Variants in NECAB1 observed in about 807,000 individuals in gnomAD.
NECAB1 encodes the protein N-terminal EF-hand calcium binding protein 1.
Under a neutral mutation model 57.5 loss-of-function variants are expected in NECAB1, and 29 were observed. That is an observed-to-expected ratio of 0.50 (90% confidence interval 0.38 to 0.69). The LOEUF is 0.69. Among genes scored for constraint, NECAB1 ranks in the 30% least tolerant of loss-of-function variants. NECAB1 has a pLI of 0.00. For synonymous variants in NECAB1, 142 were observed against 147.7 expected (o/e 0.96, Z 0.28); for missense variants, 372 against 413.8 (o/e 0.90, Z 0.88).
chr8:90,828,422 C>T (rs192363951), intron 3 of NECAB1, among the ~76,000 whole-genome samples: 1 of 152,154 alleles, frequency 6.6e-6, no homozygotes, highest in East Asian at 1.9e-4. Context: ...AATCACCTTT[C>T]AAGCCTGCCC....
At chr8:90,795,706 TCTCA>T (rs757463090) in intron 1 of NECAB1, among the ~76,000 whole-genome samples, 14 of 136,322 alleles carry the variant, frequency 1.0e-4, no homozygotes, top group African/African-American at 3.3e-4. Flanking sequence ...ACCTCATCTC[TCTCA>T]CACACACACA....
intron 3 of NECAB1, among the ~76,000 whole-genome samples, chr8:90,844,068 A>G (rs1392130379): frequency 2.6e-5 from 4 of 152,068 alleles, no homozygotes; most frequent in Admixed American, 6.5e-5. Context: ...CTGTAACTCA[A>G]TTTCCATTTT....
chr8:90,907,061 A>C (rs546483293), intron 5 of NECAB1, among the ~76,000 whole-genome samples: 3 of 149,936 alleles, frequency 2.0e-5, no homozygotes, highest in African/African-American at 7.4e-5. Flanking sequence ...AATTTCCCAT[A>C]TCATATATAT....
chr8:90,818,197 T>C (rs185377225), intron 2 of NECAB1, among the ~76,000 whole-genome samples: 24 of 152,082 alleles, frequency 1.6e-4, no homozygotes, highest in African/African-American at 5.8e-4. Flanking sequence ...TTGCTTAGGC[T>C]GATTAGAGGT....
chr8:90,807,579 C>T (rs1811872640), intron 2 of NECAB1, among the ~76,000 whole-genome samples: 1 of 152,138 alleles, frequency 6.6e-6, no homozygotes, highest in Non-Finnish European at 1.5e-5. Flanking sequence ...CTCTCCAGAC[C>T]CTCTTATCTT....
intron 2 of NECAB1, among the ~76,000 whole-genome samples, chr8:90,807,578 C>T (rs1020728409): frequency 1.3e-5 from 2 of 152,156 alleles, no homozygotes; most frequent in African/African-American, 2.4e-5. Context: ...GCTCTCCAGA[C>T]CCTCTTATCT....
At chr8:90,906,883 A>ATATATG (rs1554574051) in intron 5 of NECAB1, among the ~76,000 whole-genome samples, 2 of 80,758 alleles carry the variant, frequency 2.5e-5, no homozygotes, top group South Asian at 4.0e-4. Flanking sequence ...ACACATATAT[A>ATATATG]TATATATATA....
chr8:90,844,136 C>T (rs552333330), intron 3 of NECAB1, among the ~76,000 whole-genome samples: 2 of 152,154 alleles, frequency 1.3e-5, no homozygotes, highest in Non-Finnish European at 2.9e-5. Context: ...GGGTCACTTT[C>T]CTCCATGCCT....
intron 9 of NECAB1, among the ~76,000 whole-genome samples, chr8:90,938,732 T>C (rs1027963055): frequency 3.3e-5 from 5 of 152,202 alleles, no homozygotes; most frequent in Non-Finnish European, 5.9e-5. Flanking sequence ...CAACCCAATC[T>C]AGGAAGCCGA....
chr8:90,946,815 G>A (rs1309510695), intron 10 of NECAB1, among the ~76,000 whole-genome samples: 4 of 152,152 alleles, frequency 2.6e-5, no homozygotes, highest in Admixed American at 1.3e-4. Context: ...GGTCATTGCT[G>A]GCCACTGGGA....
intron 3 of NECAB1, among the ~76,000 whole-genome samples, chr8:90,833,000 G>A (rs553634940): frequency 1.3e-5 from 2 of 152,238 alleles, no homozygotes; most frequent in East Asian, 3.9e-4. Context: ...TATATTTGAT[G>A]TATACTATAG....
At chr8:90,794,908 C>T (rs142412365) in intron 1 of NECAB1, among the ~76,000 whole-genome samples, 3 of 152,118 alleles carry the variant, frequency 2.0e-5, no homozygotes, top group Admixed American at 1.3e-4. Flanking sequence ...AATTAAGTAT[C>T]GGTTCATCAT....
intron 5 of NECAB1, among the ~76,000 whole-genome samples, chr8:90,906,891 A>ATATATATATATGTGTATATATATATG: frequency 8.8e-6 from 1 of 113,400 alleles, no homozygotes; most frequent in African/African-American, 4.0e-5. Context: ...ATATATATAT[A>ATATATATATATGTGTATATATATATG]TATATATATA....
intron 5 of NECAB1, among the ~76,000 whole-genome samples, chr8:90,897,533 T>C (rs1363957228): frequency 2.6e-5 from 4 of 152,230 alleles, no homozygotes; most frequent in African/African-American, 7.2e-5. Flanking sequence ...TATGTCATTA[T>C]ATATGTTATG....
intron 3 of NECAB1, among the ~76,000 whole-genome samples, chr8:90,842,514 G>C (rs576833370): frequency 6.6e-6 from 1 of 152,266 alleles, no homozygotes; most frequent in South Asian, 2.1e-4. Flanking sequence ...CTGTGTGGGT[G>C]GGCTTATTGG....
intron 5 of NECAB1, among the ~76,000 whole-genome samples, chr8:90,905,602 T>C (rs1809621033): frequency 6.6e-6 from 1 of 152,188 alleles, no homozygotes; most frequent in Non-Finnish European, 1.5e-5. Flanking sequence ...CTATATTGCA[T>C]CTGGGTGCTA....
At chr8:90,828,599 T>C (rs530675877) in intron 3 of NECAB1, among the ~76,000 whole-genome samples, 1 of 152,034 alleles carries the variant, frequency 6.6e-6, no homozygotes, top group Non-Finnish European at 1.5e-5. Context: ...ACTTTAGAAG[T>C]GAAAAGAACC....
intron 2 of NECAB1, among the ~76,000 whole-genome samples, chr8:90,810,366 T>C (rs1342948521): frequency 6.6e-6 from 1 of 152,244 alleles, no homozygotes; most frequent in Non-Finnish European, 1.5e-5. Context: ...TAATATTTTG[T>C]GAGTGCTCTT....
intron 5 of NECAB1, among the ~76,000 whole-genome samples, chr8:90,901,762 T>C (rs566447257): frequency 6.6e-6 from 1 of 152,316 alleles, no homozygotes; most frequent in East Asian, 1.9e-4. Context: ...TTGTCATTAA[T>C]TGAATAGTAT....
Sources: allele counts gnomAD v4.1 joint callset (sites outside exome capture counted in the v4.1 genomes callset), GRCh38; gene constraint gnomAD v4.1.1; transcripts MANE v1.5; gene names NCBI Gene and HGNC (gene_info 2026-07-23, HGNC 2026-07-21).